ADAMTS14: variants seen among roughly 807,000 people sequenced by gnomAD.
ADAMTS14 encodes ADAM metallopeptidase with thrombospondin type 1 motif 14.
In ADAMTS14, 100 loss-of-function variants were observed where a neutral mutation model predicts 128.6. That is an observed-to-expected ratio of 0.78 (90% CI 0.66 to 0.92). The LOEUF (loss-of-function observed/expected upper bound fraction) is 0.92. Among genes scored for constraint, ADAMTS14 ranks in the 40% least tolerant of loss-of-function variants. ADAMTS14 has a pLI of 0.00. For synonymous variants in ADAMTS14, 665 were observed against 653.8 expected, an observed-to-expected ratio of 1.02 and a Z score of -0.26; for missense variants, 1,562 against 1,658.6, an observed-to-expected ratio of 0.94 and a Z score of 1.01.
intron 4 of ADAMTS14, among the ~76,000 whole-genome samples, chr10:70,720,545 C>G (rs1222376638): frequency 1.3e-5 from 2 of 152,138 alleles, no homozygotes; most frequent in African/African-American, 4.8e-5. Context: ...TCTTAGTGTC[C>G]CAACCCAGGG....
At chr10:70,678,605 G>A (rs1839713568) in intron 2 of ADAMTS14, among the ~76,000 whole-genome samples, 1 of 152,108 alleles carries the variant, frequency 6.6e-6, no homozygotes, top group South Asian at 2.1e-4. Context: ...CGGGGCAGGG[G>A]GGCTTGGTCT....
Position 70,736,743 on chromosome 10 carries a change from A to G in ADAMTS14, c.1549A>G (p.Lys517Glu), listed in dbSNP as rs1156629705. The stretch of plus-strand genomic sequence containing the variant: ...CCATCCTGACAACCCGTACTTCTGC[A>G]AGACCAAGAAGGGGCCCCCGCTGGA... ...CSHPDNPYFC[K>E]TKKGPPLDGT... Residue 517 changes from lysine (K) to glutamate (E), a missense_variant, in exon 10 of 22, where the codon AAG becomes GAG. By Grantham distance (56) the Lys-to-Glu change is moderately conservative. Transcript: ENST00000373207. 1 of 1,613,836 alleles carries G rather than the reference A, an allele frequency of 6.2e-7. No individual in the cohort carries two copies.
chr10:70,693,921 C>G (rs778645235), intron 2 of ADAMTS14, among the ~76,000 whole-genome samples: 1 of 152,196 alleles, frequency 6.6e-6, no homozygotes, highest in Non-Finnish European at 1.5e-5. Context: ...TATGGGGTGC[C>G]GTGCAGATGT....
intron 11 of ADAMTS14, among the ~76,000 whole-genome samples, chr10:70,740,516 C>T (rs1841963286): frequency 6.6e-6 from 1 of 152,236 alleles, no homozygotes; most frequent in Non-Finnish European, 1.5e-5. Flanking sequence ...GCCAGCTCTT[C>T]TGATTCCAAA....
chr10:70,761,040 G>C lies in ADAMTS14; in HGVS notation c.*187G>C. ...CGGGGTGGGAGGAAGACAAAGATCA[G>C]GGAAAGCCCTAATCGGAGATACCTC... On this transcript the variant is annotated 3_prime_UTR_variant, in exon 22 of 22. Transcript: ENST00000373207. The C allele has an allele frequency of 1.1e-6, 1 of 923,310 alleles. No homozygotes were observed. Among genetic ancestry groups the C allele is most frequent in the Non-Finnish European group, 1.5e-6 (1 of 653,010 alleles). 57.2% of individuals were successfully genotyped at this position (923,310 alleles called of 1,614,324 possible).
intron 15 of ADAMTS14, among the ~76,000 whole-genome samples, 179 bp from the exon 16 acceptor site, chr10:70,749,643 A>C (rs1173036273): frequency 3.6e-5 from 4 of 110,106 alleles, no homozygotes; most frequent in Non-Finnish European, 8.3e-5. Context: ...GTGTGCGCGC[A>C]CGTGGGTTTG....
chr10:70,702,542 T>G, intron 3 of ADAMTS14, 74 bp downstream of exon 3: 1 of 1,519,402 alleles, frequency 6.6e-7, no homozygotes, highest in Non-Finnish European at 8.8e-7. Flanking sequence ...CTTCTGTCCT[T>G]AAGCTGTCCA....
chr10:70,754,667 G>A (rs540746404), intron 19 of ADAMTS14, among the ~76,000 whole-genome samples: 2 of 152,298 alleles, frequency 1.3e-5, no homozygotes, highest in Admixed American at 1.3e-4. Context: ...CACTGGGGAG[G>A]CAGGCGGGGG....
At chr10:70,699,682 G>A (rs954695627) in intron 2 of ADAMTS14, among the ~76,000 whole-genome samples, 1 of 152,214 alleles carries the variant, frequency 6.6e-6, no homozygotes, top group Non-Finnish European at 1.5e-5. Context: ...CTGAGCCCTG[G>A]AGGCCACGTG....
chr10:70,715,571 C>A lies in ADAMTS14; in HGVS notation c.870+6793C>A, dbSNP rs184862988. On this transcript the variant is annotated intron_variant, in intron 4 of 21. Transcript: ENST00000373207. Reference sequence around the variant, plus strand: ...TGGGGCTATGGGAAAAACAATGAAACCCACTGCTGAGGTGGAGAGCTGAAG... The same window carrying A: ...TGGGGCTATGGGAAAAACAATGAAAACCACTGCTGAGGTGGAGAGCTGAAG... Among the ~76,000 whole-genome samples the A allele has an allele frequency of 5.9e-5, 9 of 152,112 alleles. No individual in the cohort carries two copies. The South Asian group carries it at 1.5e-3, about 25-fold the overall frequency.
Position 70,749,891 on chromosome 10 carries a change from T to A in ADAMTS14, c.2333T>A (p.Phe778Tyr). Residue 778 changes from phenylalanine (F) to tyrosine (Y), a missense_variant, in exon 16 of 22, where the codon TTC becomes TAC. Phe to Tyr is a conservative substitution (Grantham distance 22). Transcript: ENST00000373207. ...GGCAAGGAAGCCACAAGCCGGACCT[T>A]CACCGCCATGGGCCTGGAGTGGGAG... ...PKGKEATSRT[F>Y]TAMGLEWEDA... 2 of 1,614,098 alleles carry A rather than the reference T, an allele frequency of 1.2e-6. No individual in the cohort carries two copies. The highest frequency in any genetic ancestry group is 1.7e-6 in the Non-Finnish European group (2 of 1,180,000).
intron 3 of ADAMTS14, among the ~76,000 whole-genome samples, chr10:70,706,260 G>C (rs55924079): frequency 0.13 from 20,371 of 152,266 alleles, 1,714 homozygotes; most frequent in Middle Eastern, 0.24. Context: ...GGTCATGGCT[G>C]GGGGAGGCCT....
chr10:70,740,122 T>G (rs1841949848), intron 11 of ADAMTS14, among the ~76,000 whole-genome samples: 1 of 152,248 alleles, frequency 6.6e-6, no homozygotes, highest in Non-Finnish European at 1.5e-5. Flanking sequence ...ATAATATGTG[T>G]GCTCTCAGCA....
intron 4 of ADAMTS14, among the ~76,000 whole-genome samples, chr10:70,720,301 A>G (rs1462266338): frequency 6.6e-6 from 1 of 152,372 alleles, no homozygotes; most frequent in East Asian, 1.9e-4. Context: ...AGCCTGCAGC[A>G]GCTGAGAAAG....
intron 10 of ADAMTS14, among the ~76,000 whole-genome samples, chr10:70,738,538 C>T (rs1254976057): frequency 6.6e-6 from 1 of 152,178 alleles, no homozygotes; most frequent in South Asian, 2.1e-4. Flanking sequence ...TTTTATTACT[C>T]CCGGGTGTGC....
In ADAMTS14 at chr10:70,672,736, C is replaced by T. The variant is rs913012767; in HGVS notation, c.-67C>T. ...TCCGACAGCCCGGGGCGCACCCTAG[C>T]CTCGCCGCCCTCAGCCTGGGACTTG... is the stretch of plus-strand genomic sequence containing the variant. On this transcript the variant is annotated 5_prime_UTR_variant, in exon 1 of 22. Transcript: ENST00000373207. 5 of 1,436,782 alleles carry T rather than the reference C, an allele frequency of 3.5e-6. No individual in the cohort carries two copies. The highest frequency in any genetic ancestry group is 4.5e-6 in the Non-Finnish European group (5 of 1,100,404). 89.0% of individuals were successfully genotyped at this position (1,436,782 alleles called of 1,614,324 possible).
intron 4 of ADAMTS14, among the ~76,000 whole-genome samples, chr10:70,712,200 G>A (rs1840883810): frequency 6.6e-6 from 1 of 152,100 alleles, no homozygotes; most frequent in African/African-American, 2.4e-5. Flanking sequence ...AGGCCACGCT[G>A]AGAGCCAGGT....
At chr10:70,736,570 A>C (rs1039003899) in intron 9 of ADAMTS14, 110 bp from the exon 10 acceptor site, 8 of 937,038 alleles carry the variant, frequency 8.5e-6, no homozygotes, top group Non-Finnish European at 9.2e-6. Context: ...CCTTCCCTGC[A>C]GTGCCCTGGG....
chr10:70,734,461 C>T (rs2132684473), intron 8 of ADAMTS14, among the ~76,000 whole-genome samples: 1 of 152,228 alleles, frequency 6.6e-6, no homozygotes. Flanking sequence ...CCCAGAGCTG[C>T]CCGGGATCGA....
Sources: allele counts gnomAD v4.1 joint callset (sites outside exome capture counted in the v4.1 genomes callset), GRCh38; gene constraint gnomAD v4.1.1; transcripts MANE v1.5; gene names NCBI Gene and HGNC (gene_info 2026-07-23, HGNC 2026-07-21).